INO80: variants seen among roughly 807,000 people sequenced by gnomAD.
INO80 encodes the protein INO80 complex ATPase subunit.
In INO80, 20 loss-of-function variants were observed where a neutral mutation model predicts 203.4. The observed-to-expected ratio is 0.10, with a 90% CI of 0.07 to 0.14. INO80 has a LOEUF of 0.14. Among genes scored for constraint, INO80 ranks in the 10% least tolerant of loss-of-function variants. The probability of loss-of-function intolerance (pLI) is 1.00; values close to 1 mark genes in which losing one functional copy is unlikely to be tolerated. For missense variants in INO80, 1,419 were observed against 1,914.4 expected (o/e 0.74, Z 4.83); for synonymous variants, 726 against 685.2 (o/e 1.06, Z -0.93).
At chr15:41,041,438 T>C (rs1362418660) in intron 24 of INO80, among the ~76,000 whole-genome samples, 2 of 151,726 alleles carry the variant, frequency 1.3e-5, no homozygotes, top group Non-Finnish European at 1.5e-5. Context: ...GTTCTTTTTT[T>C]TTTTTTTCTT....
At chr15:40,994,663 C>T (rs1242285600) in intron 29 of INO80, among the ~76,000 whole-genome samples, 1 of 152,056 alleles carries the variant, frequency 6.6e-6, no homozygotes, top group Non-Finnish European at 1.5e-5. Flanking sequence ...CTGCACCTGG[C>T]CCCATATTAT....
At chr15:41,102,064 A>ATG (rs2045816935) in intron 1 of INO80, among the ~76,000 whole-genome samples, 1 of 151,930 alleles carries the variant, frequency 6.6e-6, no homozygotes, top group Non-Finnish European at 1.5e-5. Flanking sequence ...GGTGGCACGC[A>ATG]CCTGTAGTCC....
intron 24 of INO80, among the ~76,000 whole-genome samples, chr15:41,034,762 C>T (rs561511687): frequency 3.3e-5 from 5 of 152,202 alleles, no homozygotes; most frequent in South Asian, 4.1e-4. Flanking sequence ...GTTTGTTGGC[C>T]GAAGAATAAC....
chr15:41,083,706 C>T (rs1405712175), intron 7 of INO80, among the ~76,000 whole-genome samples: 1 of 134,840 alleles, frequency 7.4e-6, no homozygotes, highest in Non-Finnish European at 1.6e-5. Context: ...AGACGAGACT[C>T]CGTCTCAAAA....
chr15:41,082,105 C>T (rs2045493148), intron 7 of INO80, among the ~76,000 whole-genome samples: 1 of 151,706 alleles, frequency 6.6e-6, no homozygotes, highest in Non-Finnish European at 1.5e-5. Flanking sequence ...GAAAACTTAG[C>T]CAGGCATGGT....
intron 9 of INO80, among the ~76,000 whole-genome samples, chr15:41,075,701 G>C (rs1052643130): frequency 1.3e-5 from 2 of 152,036 alleles, no homozygotes; most frequent in African/African-American, 4.8e-5. Context: ...TGATCTGCCC[G>C]TCTCAGCCTC....
intron 11 of INO80, 64 bp downstream of exon 11, chr15:41,073,364 A>C (rs2045354369): frequency 1.5e-6 from 2 of 1,321,208 alleles, no homozygotes; most frequent in African/African-American, 1.4e-5. Context: ...AAGACCACCT[A>C]AGTAAAGGCT....
At chr15:41,063,728 G>C (rs775759135) in intron 14 of INO80, among the ~76,000 whole-genome samples, 2 of 150,650 alleles carry the variant, frequency 1.3e-5, no homozygotes, top group African/African-American at 2.4e-5. Context: ...CTGAGATTGC[G>C]CCACTGCACT....
In INO80 at chr15:41,031,614, G is replaced by GAAGGGAGGAAGGGAGGGAGGGAGAA. The variant is rs145606508; in HGVS notation, c.2908-3879_2908-3878insTTCTCCCTCCCTCCCTTCCTCCCTT. Among the ~76,000 whole-genome samples, 4 of 4,410 alleles carry GAAGGGAGGAAGGGAGGGAGGGAGAA rather than the reference G, an allele frequency of 9.1e-4. 1 individual carries two copies. Among genetic ancestry groups the GAAGGGAGGAAGGGAGGGAGGGAGAA allele is most frequent in the African/African-American group, 1.0e-3 (2 of 1,960 alleles). The allele number at this position is 4,410 out of a possible 152,430, so 2.9% of individuals were successfully genotyped here. On this transcript the variant is annotated intron_variant, in intron 24 of 35. Coordinates refer to ENST00000648947, the MANE Select transcript of INO80 (RefSeq NM_017553.3). ...GGGAGGGAGGGAGGGAGGAAGGGAG[G>GAAGGGAGGAAGGGAGGGAGGGAGAA]AGGGAGGAAGGGAGGAAGGGAGGAA...
At chr15:41,081,179 A>T (rs2045478905) in intron 7 of INO80, 106 bp from the exon 8 acceptor site, 1 of 713,850 alleles carries the variant, frequency 1.4e-6, no homozygotes, top group Non-Finnish European at 2.4e-6. Context: ...GAAAATGTCA[A>T]GCCAAGCAAG....
intron 7 of INO80, 142 bp from the exon 8 acceptor site, chr15:41,081,215 G>T (rs1289858179): frequency 3.4e-6 from 2 of 591,102 alleles, no homozygotes; most frequent in African/African-American, 1.9e-5. Flanking sequence ...AAGTCATCCA[G>T]ATGTATTGTC....
At chr15:40,996,774 G>A (rs1413556935) in intron 29 of INO80, among the ~76,000 whole-genome samples, 1 of 152,024 alleles carries the variant, frequency 6.6e-6, no homozygotes, top group Non-Finnish European at 1.5e-5. Context: ...TTGAAGTTCA[G>A]GATACAAAAA....
chr15:41,012,506 T>C (rs1376398102), intron 27 of INO80, among the ~76,000 whole-genome samples: 1 of 134,308 alleles, frequency 7.4e-6, no homozygotes, highest in Non-Finnish European at 1.5e-5. Context: ...GAGGTTGCAG[T>C]GAGCTGAGAT....
At chr15:41,107,306 G>C (rs1275281050) in intron 1 of INO80, among the ~76,000 whole-genome samples, 5 of 152,196 alleles carry the variant, frequency 3.3e-5, no homozygotes, top group Non-Finnish European at 7.3e-5. Context: ...TTCGAGACCA[G>C]CCTGGTCAAC....
chr15:41,103,563 C>T (rs1446115769), intron 1 of INO80, among the ~76,000 whole-genome samples: 1 of 151,930 alleles, frequency 6.6e-6, no homozygotes, highest in Non-Finnish European at 1.5e-5. Flanking sequence ...CTAATTTTTC[C>T]TATTTTCAGT....
intron 14 of INO80, among the ~76,000 whole-genome samples, chr15:41,067,683 G>C (rs1002423223): frequency 2.0e-5 from 3 of 152,076 alleles, no homozygotes; most frequent in Non-Finnish European, 4.4e-5. Flanking sequence ...TCCATACAAA[G>C]CATAAGCCAG....
chr15:41,078,182 G>A (rs2140619108), intron 9 of INO80, among the ~76,000 whole-genome samples: 1 of 152,234 alleles, frequency 6.6e-6, no homozygotes, highest in South Asian at 2.1e-4. Context: ...ACAGACGTGA[G>A]CCACCGCGCC....
intron 24 of INO80, among the ~76,000 whole-genome samples, chr15:41,036,284 A>G (rs1230862862): frequency 2.6e-5 from 4 of 151,834 alleles, no homozygotes; most frequent in Admixed American, 6.6e-5. Context: ...AGGTTTTAAG[A>G]TAACATGTTA....
At chr15:41,007,588 C>T (rs1053727270) in intron 27 of INO80, among the ~76,000 whole-genome samples, 2 of 151,696 alleles carry the variant, frequency 1.3e-5, no homozygotes, top group Admixed American at 6.6e-5. Context: ...CCAGCACAAC[C>T]CCGGGGATAT....
Sources: allele counts gnomAD v4.1 joint callset (sites outside exome capture counted in the v4.1 genomes callset), GRCh38; gene constraint gnomAD v4.1.1; transcripts MANE v1.5; gene names NCBI Gene and HGNC (gene_info 2026-07-23, HGNC 2026-07-21).